DGKB: variants seen among roughly 807,000 people sequenced by gnomAD.
DGKB encodes diacylglycerol kinase beta.
In DGKB, 67 loss-of-function variants were observed where a neutral mutation model predicts 114.3. That is an observed-to-expected ratio of 0.59 (90% CI 0.48 to 0.72). The LOEUF (loss-of-function observed/expected upper bound fraction) is 0.72. Ranked by LOEUF, DGKB falls within the 30% of genes least tolerant of loss-of-function variation. The pLI is 0.00. For synonymous variants in DGKB, 398 were observed against 323.1 expected, an observed-to-expected ratio of 1.23 and a Z score of -2.49; for missense variants, 907 against 975.2, an observed-to-expected ratio of 0.93 and a Z score of 0.93.
At chr7:14,373,058 A>C (rs954407986) in intron 21 of DGKB, among the ~76,000 whole-genome samples, 2 of 152,166 alleles carry the variant, frequency 1.3e-5, no homozygotes, top group Non-Finnish European at 2.9e-5. Context: ...TGGAATAGTT[A>C]ATTGCCCACA....
At chr7:14,414,593 TACA>T (rs1412447206) in intron 21 of DGKB, among the ~76,000 whole-genome samples, 2 of 152,152 alleles carry the variant, frequency 1.3e-5, no homozygotes, top group Non-Finnish European at 2.9e-5. Context: ...GTAAGTTTCT[TACA>T]ACATTAAAAT....
intron 13 of DGKB, among the ~76,000 whole-genome samples, chr7:14,640,889 T>G (rs944538793): frequency 2.0e-5 from 3 of 152,198 alleles, no homozygotes; most frequent in African/African-American, 7.2e-5. Flanking sequence ...TAGTGGTGGT[T>G]AAGAATGTCT....
chr7:14,882,094 A>T (rs540023150), intron 1 of DGKB, among the ~76,000 whole-genome samples: 1 of 152,186 alleles, frequency 6.6e-6, no homozygotes, highest in East Asian at 1.9e-4. Flanking sequence ...TCAACAGAAC[A>T]TTCCCAGGCA....
At chr7:14,772,715 C>G (rs565838618) in intron 2 of DGKB, among the ~76,000 whole-genome samples, 1 of 152,194 alleles carries the variant, frequency 6.6e-6, no homozygotes, top group Non-Finnish European at 1.5e-5. Flanking sequence ...TTTTAATCCT[C>G]CCATTGTTGC....
intron 21 of DGKB, among the ~76,000 whole-genome samples, chr7:14,370,287 T>C (rs1817416606): frequency 1.3e-5 from 2 of 152,064 alleles, no homozygotes; most frequent in Non-Finnish European, 2.9e-5. Context: ...GAGGCCTCTG[T>C]TGTGTTCCAT....
At position 14,718,628 on chromosome 7, in the gene DGKB, G is replaced by A. The variant is rs765803079; in HGVS notation, c.380C>T (p.Thr127Met). 1.4e-5 allele frequency: 22 copies of A among 1,611,530 alleles called. No individual in the cohort carries two copies. The highest frequency in any genetic ancestry group is 5.0e-5 in the Admixed American group (3 of 59,898). The part of the protein sequence containing the change: ...TPPRTTSPAN[T>M]CSPEVIHLKD... ...CAGATGGATTACTTCTGGGGAACAC[G>A]TATTTGCAGGAGAAGTAGTCCGGGG... Residue 127 changes from threonine to methionine, a missense_variant, in exon 6 of 26, where the codon ACG becomes ATG. By Grantham distance (81) the Thr-to-Met change is moderately conservative (BLOSUM62 -1). Around this residue, in one of 3 missense-constraint regions of DGKB, gnomAD observed 814 missense variants for 856.6 expected, o/e 0.95. Coordinates refer to ENST00000402815, the MANE Select transcript of DGKB (RefSeq NM_001350709.2).
chr7:14,872,065 G>C (rs1196664899), intron 1 of DGKB, among the ~76,000 whole-genome samples: 2 of 152,044 alleles, frequency 1.3e-5, no homozygotes, highest in African/African-American at 2.4e-5. Context: ...GGGCAAAGTG[G>C]TGATTCACTA....
chr7:14,746,949 T>TAA (rs3071278), intron 4 of DGKB, among the ~76,000 whole-genome samples: 30,243 of 150,182 alleles, frequency 0.2, 5,574 homozygotes, highest in African/African-American at 0.5. Context: ...GCAATAATTC[T>TAA]AAAAAAAAAA....
chr7:14,316,770 C>G (rs1241729661), intron 23 of DGKB, among the ~76,000 whole-genome samples: 1 of 151,470 alleles, frequency 6.6e-6, no homozygotes, highest in African/African-American at 2.4e-5. Context: ...GGGAATCCTC[C>G]CTAACTCATT....
At chr7:14,686,201 ACT>A (rs762532964) in intron 9 of DGKB, among the ~76,000 whole-genome samples, 1 of 151,720 alleles carries the variant, frequency 6.6e-6, no homozygotes, top group Non-Finnish European at 1.5e-5. Flanking sequence ...TCTCAGTAAA[ACT>A]CTCTATATCA....
chr7:14,688,673 T>C (rs73272133), intron 9 of DGKB, among the ~76,000 whole-genome samples: 2,749 of 152,332 alleles, frequency 0.018, 80 homozygotes, highest in African/African-American at 0.063. Context: ...TAATGAATCC[T>C]AGGCTACTCC....
At chr7:14,639,635 A>AT (rs1811368067) in intron 13 of DGKB, among the ~76,000 whole-genome samples, 2 of 152,280 alleles carry the variant, frequency 1.3e-5, no homozygotes, top group African/African-American at 4.8e-5. Context: ...CTATGATTGG[A>AT]TTTTTGCTGC....
At chr7:14,652,786 T>C (rs555122108) in intron 13 of DGKB, among the ~76,000 whole-genome samples, 2 of 152,068 alleles carry the variant, frequency 1.3e-5, no homozygotes, top group African/African-American at 2.4e-5. Flanking sequence ...GAATCTACAA[T>C]GAACTCAAAC....
At chr7:14,466,988 A>G (rs1299599572) in intron 21 of DGKB, among the ~76,000 whole-genome samples, 1 of 152,152 alleles carries the variant, frequency 6.6e-6, no homozygotes, top group East Asian at 1.9e-4. Context: ...GACTATGTCC[A>G]TCAGAGTTTC....
At chr7:14,554,853 A>T (rs915888188) in intron 20 of DGKB, among the ~76,000 whole-genome samples, 9 of 152,176 alleles carry the variant, frequency 5.9e-5, no homozygotes, top group African/African-American at 2.2e-4. Context: ...TTATTTTTTA[A>T]ACTGGAATTC....
At chr7:14,482,965 G>A (rs1293975658) in intron 20 of DGKB, among the ~76,000 whole-genome samples, 1 of 151,986 alleles carries the variant, frequency 6.6e-6, no homozygotes, top group Non-Finnish European at 1.5e-5. Flanking sequence ...AATAATGCAT[G>A]GGAATTATTT....
chr7:14,431,887 ATAAGAGATCATG>A (rs1374204125), intron 21 of DGKB, among the ~76,000 whole-genome samples: 1 of 152,150 alleles, frequency 6.6e-6, no homozygotes, highest in East Asian at 1.9e-4. Context: ...TAGCTATGGT[ATAAGAGATCATG>A]TCCTTATTAT....
rs192074072 is a variant in DGKB, at chr7:14,184,290, C to T, written c.2123-6139G>A. ...CAATTTGAACGGGGTGGGAAGCCAC[C>T]TGGCTAGAACTCAGGAGAGGGCGCA... is the stretch of plus-strand genomic sequence containing the variant. On this transcript the variant is annotated intron_variant, in intron 23 of 25. Coordinates refer to ENST00000402815, the MANE Select transcript of DGKB (RefSeq NM_001350709.2). Among the ~76,000 whole-genome samples, 470 of 152,258 alleles carry T rather than the reference C, an allele frequency of 3.1e-3. 1 individual carries two copies. Among genetic ancestry groups the T allele is most frequent in the African/African-American group, 0.011 (440 of 41,554 alleles).
intron 23 of DGKB, among the ~76,000 whole-genome samples, chr7:14,296,134 C>G (rs981757821): frequency 1.3e-5 from 2 of 151,500 alleles, no homozygotes; most frequent in Non-Finnish European, 2.9e-5. Context: ...CAGGTTCAAG[C>G]AATTATCCTG....
Sources: allele counts gnomAD v4.1 joint callset (sites outside exome capture counted in the v4.1 genomes callset), GRCh38; gene constraint gnomAD v4.1.1; regional missense constraint gnomAD v4.1.1; transcripts MANE v1.5; gene names NCBI Gene and HGNC (gene_info 2026-07-23, HGNC 2026-07-21).